The following FRYL variants were observed in gnomAD, a reference collection of about 807,000 sequenced individuals.
FRYL encodes protein furry homolog-like.
A neutral mutation model predicts 351.2 loss-of-function variants in FRYL; 150 were observed. The observed-to-expected ratio is 0.43, with a 90% CI of 0.37 to 0.49. The LOEUF is 0.49. FRYL is among the 20% of genes least tolerant of loss of function. The pLI is 0.00. For missense variants in FRYL, 3,036 were observed against 3,619.3 expected, an observed-to-expected ratio of 0.84 and a Z score of 4.13; for synonymous variants, 1,153 against 1,257.1, an observed-to-expected ratio of 0.92 and a Z score of 1.75.
At chr4:48,531,070 A>G (rs1469598577) in intron 50 of FRYL, 86 bp downstream of exon 50, 2 of 928,860 alleles carry the variant, frequency 2.2e-6, no homozygotes, top group Non-Finnish European at 3.4e-6. Flanking sequence ...TATGAGCTCA[A>G]TCAATGTTTG....
intron 1 of FRYL, among the ~76,000 whole-genome samples, chr4:48,711,206 G>C (rs969967051): frequency 9.8e-5 from 15 of 152,372 alleles, no homozygotes; most frequent in African/African-American, 3.4e-4. Context: ...GTGCCAGACA[G>C]TGGGCGCAGG....
chr4:48,718,630 T>C (rs1353511467), intron 1 of FRYL, among the ~76,000 whole-genome samples: 2 of 151,450 alleles, frequency 1.3e-5, no homozygotes. Context: ...CCAGGCCCAC[T>C]ACAGTCCCAT....
intron 57 of FRYL, 34 bp downstream of exon 57, chr4:48,512,447 T>C (rs1415440373): frequency 3.4e-6 from 5 of 1,464,544 alleles, no homozygotes; most frequent in Non-Finnish European, 4.7e-6. Context: ...TAGGTAACTA[T>C]AATATGAATT....
At chr4:48,742,029 G>A (rs1772142156) in intron 1 of FRYL, among the ~76,000 whole-genome samples, 1 of 152,182 alleles carries the variant, frequency 6.6e-6, no homozygotes, top group Non-Finnish European at 1.5e-5. Context: ...GGGTAACAAT[G>A]ATGTATCAAT....
intron 3 of FRYL, among the ~76,000 whole-genome samples, chr4:48,657,986 G>A (rs1387084320): frequency 1.3e-5 from 2 of 152,154 alleles, no homozygotes; most frequent in African/African-American, 4.8e-5. Flanking sequence ...ATTCATGGAA[G>A]TAGCTACTTG....
chr4:48,557,030 T>A lies in FRYL; in HGVS notation c.4214A>T (p.His1405Leu), dbSNP rs529823418. Residue 1405 changes from histidine to leucine, a missense_variant, in exon 35 of 64, where the codon CAC becomes CTC. Physicochemically the swap from His to Leu is moderately conservative, Grantham distance 99. This residue lies in a region of FRYL where 1,987 missense variants were observed against 2,311.7 expected (regional missense o/e 0.86). Transcript: ENST00000358350. ...CACCCCACAAATGCTGATCAAAAAG[T>A]GCAAAATTATTTTCAGGTTTTTGGG... Reference protein sequence around the residue: ...GWPKNLKIILHFLISICGVNS... With the variant: ...GWPKNLKIILLFLISICGVNS... The A allele has an allele frequency of 1.2e-6, 2 of 1,608,770 alleles. No homozygotes were observed. Among genetic ancestry groups the A allele is most frequent in the African/African-American group, 2.7e-5 (2 of 74,218 alleles).
intron 3 of FRYL, among the ~76,000 whole-genome samples, chr4:48,639,739 G>GA (rs1374186100): frequency 8.6e-5 from 13 of 151,722 alleles, no homozygotes; most frequent in Admixed American, 7.9e-4. Context: ...CAGATTGGGA[G>GA]AAAAAAATTG....
At chr4:48,580,611 T>G (rs1740685280) in intron 22 of FRYL, 3 of 387,814 alleles carry the variant, frequency 7.7e-6, no homozygotes, top group Admixed American at 4.4e-5. Flanking sequence ...AACAGAAACT[T>G]CTTAGATTGG....
chr4:48,720,246 C>T (rs1769322081), intron 1 of FRYL, among the ~76,000 whole-genome samples: 1 of 151,850 alleles, frequency 6.6e-6, no homozygotes, highest in East Asian at 1.9e-4. Flanking sequence ...GCCTGTAATC[C>T]CAGCACTTTG....
At chr4:48,656,505 ATAATGTATATAG>A (rs1053742951) in intron 3 of FRYL, among the ~76,000 whole-genome samples, 29 of 128,898 alleles carry the variant, frequency 2.2e-4, no homozygotes, top group African/African-American at 7.5e-4. Flanking sequence ...TGCATTATAT[ATAATGTATATAG>A]TAATGTATAC....
chr4:48,687,352 G>C (rs187089467), intron 2 of FRYL, among the ~76,000 whole-genome samples: 1 of 152,138 alleles, frequency 6.6e-6, no homozygotes, highest in East Asian at 1.9e-4. Flanking sequence ...AGAAGACTGT[G>C]AACAGCCCAA....
At chr4:48,548,470 A>G (rs1266712826) in intron 40 of FRYL, among the ~76,000 whole-genome samples, 3 of 152,118 alleles carry the variant, frequency 2.0e-5, no homozygotes, top group East Asian at 3.9e-4. Flanking sequence ...AGGCCATAAG[A>G]TAGGAATAGG....
chr4:48,525,963 GTATGAGCTGTA>G (rs1726102121), intron 53 of FRYL, among the ~76,000 whole-genome samples: 1 of 151,982 alleles, frequency 6.6e-6, no homozygotes, highest in African/African-American at 2.4e-5. Flanking sequence ...TGATGAATGT[GTATGAGCTGTA>G]TATGAGTTGT....
chr4:48,502,845 G>GGAAATA lies in FRYL; in HGVS notation c.8464-1_8464insTATTTC (p.Gln2821_Gln2822insTyrPhe). Reference sequence around the variant, plus strand: ...TCACTTACTGCTAGTATTTCCATTTGCTAAGCAAGAAGGTGATCAGGTCAC... The same window carrying GGAAATA: ...TCACTTACTGCTAGTATTTCCATTTGGAAATACTAAGCAAGAAGGTGATCAGGTCAC... On this transcript the variant is annotated inframe_insertion and splice_region_variant. Transcript: ENST00000358350. 1 of 1,609,648 alleles carries GGAAATA rather than the reference G, an allele frequency of 6.2e-7. No individual in the cohort carries two copies. Among genetic ancestry groups the GGAAATA allele is most frequent in the Middle Eastern group, 1.7e-4 (1 of 6,038 alleles).
At chr4:48,706,615 A>G (rs1196255241) in intron 2 of FRYL, among the ~76,000 whole-genome samples, 1 of 152,256 alleles carries the variant, frequency 6.6e-6, no homozygotes, top group Non-Finnish European at 1.5e-5. Flanking sequence ...TGAATTGTAC[A>G]CTTAAAATAG....
chr4:48,530,323 C>T (rs1370149820), intron 50 of FRYL, among the ~76,000 whole-genome samples: 1 of 151,584 alleles, frequency 6.6e-6, no homozygotes, highest in Non-Finnish European at 1.5e-5. Flanking sequence ...TTTTTGTAAA[C>T]CATCTCTCTT....
intron 33 of FRYL, 129 bp from the exon 34 acceptor site, chr4:48,557,841 TG>T: frequency 9.7e-7 from 1 of 1,034,388 alleles, no homozygotes; most frequent in Non-Finnish European, 1.4e-6. Context: ...TTATGAGTAT[TG>T]TTTTTCCTTT....
chr4:48,724,679 T>C (rs1769883645), intron 1 of FRYL, among the ~76,000 whole-genome samples: 1 of 152,094 alleles, frequency 6.6e-6, no homozygotes, highest in African/African-American at 2.4e-5. Context: ...CCCCTGATAA[T>C]AAATGACAAG....
rs759258568 is a variant in FRYL, at chr4:48,606,488, C to T, written c.691G>A (p.Val231Ile). Residue 231 changes from valine (V) to isoleucine (I), a missense_variant, in exon 10 of 64, where the codon GTA becomes ATA. Val to Ile is a conservative substitution (Grantham distance 29). Coordinates refer to ENST00000358350, the MANE Select transcript of FRYL (RefSeq NM_015030.2). The part of the protein sequence containing the change: ...SLIMGMKFFR[V>I]KMYPVEDFEA... ...AAATCTTCTACAGGATACATTTTTA[C>T]TCGAAAAAATTTCATTCCCATTATT... 1.9e-6 allele frequency: 3 copies of T among 1,612,598 alleles called. No homozygotes were observed. The highest frequency in any genetic ancestry group is 2.2e-5 in the East Asian group (1 of 44,816).
Sources: allele counts gnomAD v4.1 joint callset (sites outside exome capture counted in the v4.1 genomes callset), GRCh38; gene constraint gnomAD v4.1.1; regional missense constraint gnomAD v4.1.1; transcripts MANE v1.5; gene names NCBI Gene and HGNC (gene_info 2026-07-23, HGNC 2026-07-21).